FHIT: variants seen among roughly 807,000 people sequenced by gnomAD.
The protein encoded by FHIT is fragile histidine triad diadenosine triphosphatase.
A neutral mutation model predicts 17.9 loss-of-function variants in FHIT; 19 were observed. The ratio of observed to expected loss-of-function variants is 1.06; its 90% CI spans 0.74 to 1.56. The LOEUF is 1.56. Among genes scored for constraint, FHIT ranks in the 40% most tolerant of loss-of-function variants. The pLI, the probability that FHIT is intolerant of heterozygous loss-of-function variation, is 0.00. For missense variants in FHIT, 248 were observed against 189.2 expected, an observed-to-expected ratio of 1.31 and a Z score of -1.82; for synonymous variants, 81 against 69.7, an observed-to-expected ratio of 1.16 and a Z score of -0.81.
chr3:60,789,173 T>G (rs574740804), intron 4 of FHIT, among the ~76,000 whole-genome samples: 5,835 of 98,550 alleles, frequency 0.059, 137 homozygotes, highest in Non-Finnish European at 0.061. Flanking sequence ...TATATATATA[T>G]ATAGAGAGAG....
rs572425974 is a variant in FHIT at position 59,982,800 on chromosome 3, C to A, written c.279+28571G>T. ...CTAGACCAGCACATCAGCCCCAGTC[C>A]CTACTGTCTTGGAACTGGGATTCTG... is the stretch of plus-strand genomic sequence containing the variant. On this transcript the variant is annotated intron_variant, in intron 7 of 9. Transcript: ENST00000492590. Among the ~76,000 whole-genome samples the A allele has an allele frequency of 1.8e-4, 28 of 152,236 alleles. 1 individual carries two copies. The South Asian group carries it at 5.6e-3, about 30-fold the overall frequency.
chr3:60,699,451 T>C (rs549324048), intron 4 of FHIT, among the ~76,000 whole-genome samples: 52 of 152,298 alleles, frequency 3.4e-4, no homozygotes, highest in African/African-American at 1.1e-3. Context: ...CTCTAATTAT[T>C]ATTGCTTTGA....
At chr3:60,069,551 A>G (rs1702671796) in intron 5 of FHIT, among the ~76,000 whole-genome samples, 1 of 152,232 alleles carries the variant, frequency 6.6e-6, no homozygotes, top group South Asian at 2.1e-4. Context: ...TTTGTCCAAG[A>G]CAGTAAAAGA....
intron 5 of FHIT, among the ~76,000 whole-genome samples, chr3:60,081,196 T>C (rs1292514408): frequency 1.3e-5 from 2 of 152,138 alleles, no homozygotes; most frequent in African/African-American, 4.8e-5. Flanking sequence ...ATTCCTGGGC[T>C]CTGACCCAGG....
At chr3:59,943,065 T>C (rs1180553693) in intron 7 of FHIT, among the ~76,000 whole-genome samples, 2 of 152,098 alleles carry the variant, frequency 1.3e-5, no homozygotes, top group African/African-American at 2.4e-5. Flanking sequence ...TCTCCTGTTA[T>C]ATTACTAAGA....
intron 3 of FHIT, among the ~76,000 whole-genome samples, chr3:61,019,767 G>C (rs2032310190): frequency 6.6e-6 from 1 of 152,140 alleles, no homozygotes; most frequent in South Asian, 2.1e-4. Context: ...TCTGTGAAAA[G>C]CTGTCATTTC....
intron 4 of FHIT, among the ~76,000 whole-genome samples, chr3:60,696,786 G>T (rs985547968): frequency 1.6e-4 from 24 of 152,054 alleles, no homozygotes; most frequent in African/African-American, 5.8e-4. Flanking sequence ...TCCATTTACT[G>T]GTAAACATTA....
At chr3:60,097,404 C>T (rs1207121749) in intron 5 of FHIT, among the ~76,000 whole-genome samples, 1 of 152,128 alleles carries the variant, frequency 6.6e-6, no homozygotes, top group Non-Finnish European at 1.5e-5. Context: ...ATACTGTGTT[C>T]ATTTGGGAGC....
intron 5 of FHIT, among the ~76,000 whole-genome samples, chr3:60,486,588 G>C (rs1363284843): frequency 6.6e-6 from 1 of 152,072 alleles, no homozygotes; most frequent in Non-Finnish European, 1.5e-5. Flanking sequence ...AAGATCTATA[G>C]GTCAGAGAAG....
At chr3:60,427,343 T>C (rs566874100) in intron 5 of FHIT, among the ~76,000 whole-genome samples, 8 of 152,126 alleles carry the variant, frequency 5.3e-5, no homozygotes, top group African/African-American at 1.4e-4. Context: ...AGCTCGGAAC[T>C]GGGTATTTCC....
chr3:61,074,555 C>T (rs978426341), intron 2 of FHIT, among the ~76,000 whole-genome samples: 24 of 152,164 alleles, frequency 1.6e-4, no homozygotes, highest in Admixed American at 4.6e-4. Context: ...CTGACCCTAC[C>T]GGCACCACAC....
intron 1 of FHIT, among the ~76,000 whole-genome samples, chr3:61,227,297 T>C (rs747423799): frequency 7.9e-5 from 12 of 152,192 alleles, no homozygotes; most frequent in African/African-American, 2.9e-4. Context: ...GAAAATTAAT[T>C]TTTAAAAAAA....
At chr3:59,797,894 C>T (rs569529553) in intron 8 of FHIT, among the ~76,000 whole-genome samples, 28 of 152,210 alleles carry the variant, frequency 1.8e-4, no homozygotes, top group South Asian at 2.1e-4. Context: ...AAATGAAAAT[C>T]GTTACATTTG....
At position 60,968,720 on chromosome 3, in the gene FHIT, TA is replaced by T. The variant is rs200441356; in HGVS notation, c.-111+73326del. 6.8e-3 allele frequency among the ~76,000 whole-genome samples: 1,039 copies of T among 152,316 alleles called. 14 individuals are homozygous for T. Among genetic ancestry groups the T allele is most frequent in the African/African-American group, 0.024 (998 of 41,562 alleles). ...CTGCCCGGCCCCTGCTGTAGTTTTT[TA>T]AAATAAATATTTATCTGATTAAGGA... On this transcript the variant is annotated intron_variant, in intron 3 of 9. Coordinates refer to ENST00000492590, the MANE Select transcript of FHIT (RefSeq NM_002012.4).
chr3:60,431,333 A>C (rs1422092069), intron 5 of FHIT, among the ~76,000 whole-genome samples: 3 of 152,054 alleles, frequency 2.0e-5, no homozygotes, highest in Non-Finnish European at 2.9e-5. Context: ...TTTTCTTTAC[A>C]AACTGGATAA....
chr3:60,065,061 T>A (rs577496875), intron 5 of FHIT, among the ~76,000 whole-genome samples: 1 of 152,280 alleles, frequency 6.6e-6, no homozygotes, highest in South Asian at 2.1e-4. Context: ...GTCTCATGCC[T>A]TGCCCTGAGA....
chr3:61,168,429 C>T (rs778143994), intron 2 of FHIT, among the ~76,000 whole-genome samples: 4 of 152,218 alleles, frequency 2.6e-5, no homozygotes, highest in Non-Finnish European at 4.4e-5. Context: ...TAAAATGCAC[C>T]TGAAAGAATT....
chr3:59,826,088 C>T (rs903783838), intron 8 of FHIT, among the ~76,000 whole-genome samples: 8 of 152,286 alleles, frequency 5.3e-5, no homozygotes, highest in Middle Eastern at 6.8e-3. Context: ...GTATGGTTCC[C>T]TATCTGCATT....
chr3:61,194,314 G>A (rs962229774), intron 2 of FHIT, among the ~76,000 whole-genome samples: 1 of 152,110 alleles, frequency 6.6e-6, no homozygotes, highest in Admixed American at 6.6e-5. Flanking sequence ...AGTATTATGG[G>A]AGACTGCCAC....
Sources: allele counts gnomAD v4.1 joint callset (sites outside exome capture counted in the v4.1 genomes callset), GRCh38; gene constraint gnomAD v4.1.1; transcripts MANE v1.5; gene names NCBI Gene and HGNC (gene_info 2026-07-23, HGNC 2026-07-21).